Variants in ZFHX3 observed in about 807,000 individuals in gnomAD.
ZFHX3 encodes zinc finger homeobox 3, also known as zinc finger homeobox protein 3.
In ZFHX3, 42 loss-of-function variants were observed where a neutral mutation model predicts 279.1. That is an observed-to-expected ratio of 0.15 (90% CI 0.12 to 0.19). The LOEUF is 0.19. ZFHX3 is among the 10% of genes least tolerant of loss of function. The pLI is 1.00. For synonymous variants in ZFHX3, 2,293 were observed against 1,957.8 expected (o/e 1.17, Z -4.52); for missense variants, 4,981 against 4,754.0 (o/e 1.05, Z -1.40).
At chr16:73,408,360 G>A (rs191617274) in intron 3 of ZFHX3, among the ~76,000 whole-genome samples, 94 of 152,284 alleles carry the variant, frequency 6.2e-4, no homozygotes, top group Non-Finnish European at 9.4e-4. Context: ...TGACAAGGTC[G>A]TGAGGTCTCA....
intron 1 of ZFHX3, among the ~76,000 whole-genome samples, chr16:73,013,188 C>A (rs1271727747): frequency 2.0e-5 from 3 of 152,228 alleles, no homozygotes; most frequent in Admixed American, 6.5e-5. Context: ...CTTCAAGTGA[C>A]CTCTAAAGTG....
At chr16:72,992,661 T>G (rs1256367798) in intron 1 of ZFHX3, among the ~76,000 whole-genome samples, 1 of 152,098 alleles carries the variant, frequency 6.6e-6, no homozygotes, top group Admixed American at 6.5e-5. Flanking sequence ...GTGGCACCCA[T>G]GTAAAGAGAC....
chr16:73,844,495 T>G (rs1282086505), intron 1 of ZFHX3, among the ~76,000 whole-genome samples: 1 of 152,164 alleles, frequency 6.6e-6, no homozygotes, highest in Admixed American at 6.5e-5. Flanking sequence ...TTATTCTAAA[T>G]GCTAAATATA....
At chr16:72,872,072 C>A (rs1312492850) in intron 4 of ZFHX3, among the ~76,000 whole-genome samples, 1 of 150,514 alleles carries the variant, frequency 6.6e-6, no homozygotes, top group Non-Finnish European at 1.5e-5. Flanking sequence ...GCCTGGGCAA[C>A]AGAGTGAGAC....
At chr16:73,234,596 C>T (rs1047449260) in intron 5 of ZFHX3, among the ~76,000 whole-genome samples, 3 of 152,196 alleles carry the variant, frequency 2.0e-5, no homozygotes, top group Admixed American at 2.0e-4. Flanking sequence ...ATTCCACAGA[C>T]AGCAGACCAC....
At chr16:73,536,421 G>A (rs974406605) in intron 2 of ZFHX3, among the ~76,000 whole-genome samples, 10 of 152,146 alleles carry the variant, frequency 6.6e-5, no homozygotes, top group African/African-American at 1.7e-4. Flanking sequence ...GTCATCATTC[G>A]CTAACTTTAG....
At chr16:73,459,914 C>T (rs1379368290) in intron 2 of ZFHX3, among the ~76,000 whole-genome samples, 1 of 152,186 alleles carries the variant, frequency 6.6e-6, no homozygotes, top group African/African-American at 2.4e-5. Context: ...CTGGTCTCTC[C>T]CTTGACACAT....
chr16:73,285,746 G>A (rs1177346209), intron 4 of ZFHX3, among the ~76,000 whole-genome samples: 1 of 152,190 alleles, frequency 6.6e-6, no homozygotes, highest in Non-Finnish European at 1.5e-5. Context: ...TTCTCTGAGA[G>A]TCTAGGATAC....
chr16:73,711,273 T>C (rs530065742), intron 1 of ZFHX3, among the ~76,000 whole-genome samples: 6 of 151,950 alleles, frequency 3.9e-5, no homozygotes. Flanking sequence ...AAAAAAACCA[T>C]CCCGTGAAGT....
At chr16:73,326,861 A>G (rs2143213939) in intron 3 of ZFHX3, among the ~76,000 whole-genome samples, 1 of 152,342 alleles carries the variant, frequency 6.6e-6, no homozygotes, top group African/African-American at 2.4e-5. Context: ...GAAACTCCCA[A>G]CATCAACATA....
At chr16:73,772,295 T>C (rs1264490824) in intron 1 of ZFHX3, among the ~76,000 whole-genome samples, 1 of 152,230 alleles carries the variant, frequency 6.6e-6, no homozygotes, top group African/African-American at 2.4e-5. Context: ...CCTCACATCA[T>C]GGTGGAAGGC....
intron 1 of ZFHX3, among the ~76,000 whole-genome samples, chr16:73,754,765 A>G (rs2053792914): frequency 6.6e-6 from 1 of 152,194 alleles, no homozygotes; most frequent in Non-Finnish European, 1.5e-5. Flanking sequence ...GAAGAAAAAA[A>G]AAGGAGAGAT....
At chr16:73,300,952 C>T (rs2015042473) in intron 4 of ZFHX3, among the ~76,000 whole-genome samples, 1 of 152,312 alleles carries the variant, frequency 6.6e-6, no homozygotes, top group Middle Eastern at 3.4e-3. Context: ...ATAAGATCGG[C>T]CTGCATTGCT....
rs141893820 is a variant in ZFHX3, at chr16:73,777,241, T to G, written c.-1607-97001A>C. On this transcript the variant is annotated intron_variant, in intron 1 of 17. Transcript: ENST00000641206. ...GTTAAAGGCTGGGCACGGTGGCTCA[T>G]GCCTGTAATCCCAGCACTTTAGGAG... is the stretch of plus-strand genomic sequence containing the variant. Among the ~76,000 whole-genome samples, 521 of 152,246 alleles carry G rather than the reference T, an allele frequency of 3.4e-3. 2 individuals are homozygous for G. Among genetic ancestry groups the G allele is most frequent in the African/African-American group, 0.012 (505 of 41,552 alleles).
chr16:73,760,018 T>TTTA lies in ZFHX3; in HGVS notation c.-1607-79779_-1607-79778insTAA, dbSNP rs1555500050. Among the ~76,000 whole-genome samples the TTTA allele has an allele frequency of 7.1e-3, 1,037 of 146,482 alleles. 7 individuals are homozygous for TTTA. The highest frequency in any genetic ancestry group is 0.024 in the Middle Eastern group (7 of 286). On this transcript the variant is annotated intron_variant, in intron 1 of 17. Coordinates refer to the ZFHX3 transcript ENST00000641206. The stretch of plus-strand genomic sequence containing the variant: ...AATGAATCCAGGAGCTGTTTTTTTT[T>TTTA]AAAAAAAAATTAATAAAACAGACAA...
In ZFHX3 at chr16:72,871,402, T is replaced by C. The variant is rs150243691; in HGVS notation, c.3448+18329A>G. ...CTGTTGCCAGGCTGGAGTGCAATGG[T>C]GCAATCTTGGCTCACTGCAACCTCT... On this transcript the variant is annotated intron_variant, in intron 4 of 9. Coordinates refer to ENST00000268489, the MANE Select transcript of ZFHX3 (RefSeq NM_006885.4). Among the ~76,000 whole-genome samples the C allele has an allele frequency of 5.2e-3, 780 of 148,728 alleles. 13 individuals are homozygous for C. Among genetic ancestry groups the C allele is most frequent in the African/African-American group, 0.018 (714 of 40,264 alleles).
intron 1 of ZFHX3, among the ~76,000 whole-genome samples, chr16:73,774,297 T>A (rs1368775772): frequency 6.6e-6 from 1 of 152,198 alleles, no homozygotes; most frequent in Non-Finnish European, 1.5e-5. Context: ...AGCATGGTGC[T>A]TGTATAAGCT....
chr16:73,338,527 A>G (rs1272534775), intron 3 of ZFHX3, among the ~76,000 whole-genome samples: 1 of 152,026 alleles, frequency 6.6e-6, no homozygotes, highest in East Asian at 1.9e-4. Context: ...AAATTAGTCT[A>G]TCAGTTCTAT....
chr16:73,757,336 C>G (rs533590979), intron 1 of ZFHX3, among the ~76,000 whole-genome samples: 1 of 152,304 alleles, frequency 6.6e-6, no homozygotes, highest in South Asian at 2.1e-4. Context: ...AATACCACTA[C>G]CCATTAGGAA....
Sources: allele counts gnomAD v4.1 joint callset (sites outside exome capture counted in the v4.1 genomes callset), GRCh38; gene constraint gnomAD v4.1.1; transcripts MANE v1.5; gene names NCBI Gene and HGNC (gene_info 2026-07-23, HGNC 2026-07-21).